Variants in NR3C1 observed in about 807,000 individuals in gnomAD.
The protein encoded by NR3C1 is glucocorticoid receptor.
A neutral mutation model predicts 74.0 loss-of-function variants in NR3C1; 14 were observed. That is an observed-to-expected ratio of 0.19 (90% confidence interval 0.12 to 0.30). NR3C1 has a LOEUF of 0.30. Ranked by LOEUF, NR3C1 falls within the 10% of genes least tolerant of loss-of-function variation. The pLI, the probability that NR3C1 is intolerant of heterozygous loss-of-function variation, is 1.00. For missense variants in NR3C1, 695 were observed against 909.8 expected (o/e 0.76, Z 3.04); for synonymous variants, 308 against 332.5 (o/e 0.93, Z 0.80).
chr5:143,418,910 C>T (rs902590481), intron 1 of NR3C1, among the ~76,000 whole-genome samples: 5 of 152,108 alleles, frequency 3.3e-5, no homozygotes, highest in Non-Finnish European at 7.4e-5. Context: ...GCATAATGAT[C>T]GGGTTTCCTC....
chr5:143,390,667 T>C (rs979600051), intron 2 of NR3C1, among the ~76,000 whole-genome samples: 3 of 152,176 alleles, frequency 2.0e-5, no homozygotes, highest in Non-Finnish European at 4.4e-5. Flanking sequence ...CCACTAAGCA[T>C]CACCCATTTC....
At position 143,280,344 on chromosome 5, in the gene NR3C1, T is replaced by C. The variant is rs1812906232; in HGVS notation, c.*1545A>G. ...TTAGTGAATACCAATATGATATATATCTGAAACTATAACTAAATATAAAAA... is the reference window on the plus strand; with the variant it reads ...TTAGTGAATACCAATATGATATATACCTGAAACTATAACTAAATATAAAAA... On this transcript the variant is annotated 3_prime_UTR_variant, in exon 9 of 9. Transcript: ENST00000394464. The C allele has an allele frequency of 6.6e-6, 1 of 152,576 alleles. No individual in the cohort carries two copies. The highest frequency in any genetic ancestry group is 2.4e-5 in the African/African-American group (1 of 41,442). 9.5% of individuals were successfully genotyped at this position (152,576 alleles called of 1,614,324 possible). A position where few individuals can be genotyped will look rare whatever the true frequency, so the allele number is the denominator to read the frequency against.
chr5:143,432,919 T>G (rs1203015865), intron 1 of NR3C1, among the ~76,000 whole-genome samples: 2 of 152,188 alleles, frequency 1.3e-5, no homozygotes, highest in African/African-American at 4.8e-5. Flanking sequence ...ATTCGTTCCT[T>G]TTCCCTATTC....
upstream of NR3C1, chr5:143,404,293 G>A: frequency 1.0e-6 from 1 of 985,626 alleles, no homozygotes; most frequent in Non-Finnish European, 1.2e-6. Context: ...CGTCTCGGCC[G>A]CGCTCGGGGC....
At chr5:143,297,043 C>CT (rs906754947) in intron 6 of NR3C1, among the ~76,000 whole-genome samples, 16 of 132,734 alleles carry the variant, frequency 1.2e-4, no homozygotes, top group Non-Finnish European at 2.5e-4. Context: ...CACCACTGCA[C>CT]TTGAGCCTGG....
chr5:143,338,032 T>C (rs1427074061), intron 2 of NR3C1, among the ~76,000 whole-genome samples: 1 of 152,218 alleles, frequency 6.6e-6, no homozygotes, highest in Non-Finnish European at 1.5e-5. Flanking sequence ...TTAAATTGTA[T>C]GTATGGTCAT....
At chr5:143,354,092 G>T (rs552597834) in intron 2 of NR3C1, among the ~76,000 whole-genome samples, 1 of 152,272 alleles carries the variant, frequency 6.6e-6, no homozygotes, top group African/African-American at 2.4e-5. Flanking sequence ...ACCGACCTCT[G>T]CTAGCTTCCA....
chr5:143,292,673 G>C (rs1473869735), intron 7 of NR3C1, among the ~76,000 whole-genome samples: 2 of 152,182 alleles, frequency 1.3e-5, no homozygotes, highest in Non-Finnish European at 1.5e-5. Context: ...CTAAGACTGG[G>C]TCCCTGGGAG....
intron 2 of NR3C1, among the ~76,000 whole-genome samples, chr5:143,351,853 AAGTGTGAT>A (rs1321633774): frequency 6.6e-6 from 1 of 152,182 alleles, no homozygotes; most frequent in Admixed American, 6.6e-5. Flanking sequence ...CTAACCTAGC[AAGTGTGAT>A]AGCTTTGCAC....
intron 2 of NR3C1, among the ~76,000 whole-genome samples, chr5:143,388,538 C>G (rs1236714612): frequency 6.6e-6 from 1 of 152,152 alleles, no homozygotes; most frequent in Non-Finnish European, 1.5e-5. Flanking sequence ...ATGGAGCTTA[C>G]ATTGTAGCAG....
At chr5:143,289,143 A>C (rs1179065888) in intron 7 of NR3C1, among the ~76,000 whole-genome samples, 3 of 152,138 alleles carry the variant, frequency 2.0e-5, no homozygotes, top group Non-Finnish European at 2.9e-5. Flanking sequence ...TTTGGAAAAG[A>C]ACAACAGATT....
chr5:143,392,955 C>T (rs934055015), intron 2 of NR3C1, among the ~76,000 whole-genome samples: 1 of 152,068 alleles, frequency 6.6e-6, no homozygotes, highest in African/African-American at 2.4e-5. Context: ...CTGGCAACAC[C>T]GCTCATTAAG....
chr5:143,374,544 C>A (rs549205354), intron 2 of NR3C1, among the ~76,000 whole-genome samples: 1 of 151,318 alleles, frequency 6.6e-6, no homozygotes, highest in Non-Finnish European at 1.5e-5. Context: ...GGGTGATCAT[C>A]CAAATTTTCT....
At chr5:143,375,035 ACT>A (rs1834925248) in intron 2 of NR3C1, among the ~76,000 whole-genome samples, 1 of 151,926 alleles carries the variant, frequency 6.6e-6, no homozygotes, top group Non-Finnish European at 1.5e-5. Context: ...ACCTTGCCAG[ACT>A]CTAGGCAGAC....
chr5:143,282,777 CTTTTTTTT>C, intron 7 of NR3C1, 52 bp from the exon 8 acceptor site: 1 of 1,325,984 alleles, frequency 7.5e-7, no homozygotes, highest in Non-Finnish European at 1.0e-6. Context: ...CTTTTCTTTT[CTTTTTTTT>C]TTTTTTTTGA....
At chr5:143,412,391 C>T (rs1841323613) in intron 1 of NR3C1, among the ~76,000 whole-genome samples, 1 of 152,132 alleles carries the variant, frequency 6.6e-6, no homozygotes, top group African/African-American at 2.4e-5. Flanking sequence ...TGTTCATCTC[C>T]ATGCCTTGAG....
chr5:143,284,549 G>C (rs1432023215), intron 7 of NR3C1, among the ~76,000 whole-genome samples: 1 of 151,976 alleles, frequency 6.6e-6, no homozygotes, highest in African/African-American at 2.4e-5. Context: ...CTGCCGTATA[G>C]TTTTTTTCCC....
intron 2 of NR3C1, among the ~76,000 whole-genome samples, chr5:143,376,129 G>GA (rs201952526): frequency 2.1e-4 from 30 of 144,808 alleles, no homozygotes; most frequent in South Asian, 6.5e-4. Flanking sequence ...AAGATGTGGA[G>GA]AAAAAAAAAA....
chr5:143,354,191 T>C (rs1206640086), intron 2 of NR3C1, among the ~76,000 whole-genome samples: 1 of 152,260 alleles, frequency 6.6e-6, no homozygotes, highest in African/African-American at 2.4e-5. Flanking sequence ...TGTGAATGGT[T>C]TGATCTTCTG....
Sources: gnomAD v4.1 joint callset for allele counts (sites outside exome capture counted in the v4.1 genomes callset) on GRCh38, gnomAD v4.1.1 for gene constraint, MANE v1.5 for transcripts, NCBI Gene and HGNC (gene_info 2026-07-23, HGNC 2026-07-21) for gene names.